COP1: variants seen among roughly 807,000 people sequenced by gnomAD.
COP1 encodes the protein COP1 E3 ubiquitin ligase.
Under a neutral mutation model 101.3 loss-of-function variants are expected in COP1, and 24 were observed. The ratio of observed to expected loss-of-function variants is 0.24; its 90% CI spans 0.17 to 0.33. The LOEUF (loss-of-function observed/expected upper bound fraction) is 0.33, where lower values mean the gene tolerates loss of function less well. COP1 is among the 10% of genes least tolerant of loss of function. The pLI is 1.00. For missense variants in COP1, 663 were observed against 906.2 expected (o/e 0.73, Z 3.45); for synonymous variants, 347 against 341.9 (o/e 1.01, Z -0.17).
At chr1:176,119,218 T>TA in intron 8 of COP1, among the ~76,000 whole-genome samples, 2 of 152,346 alleles carry the variant, frequency 1.3e-5, no homozygotes, top group South Asian at 4.1e-4. Context: ...TGCAATGCAT[T>TA]AAAAATCTCT....
intron 14 of COP1, among the ~76,000 whole-genome samples, chr1:176,036,084 G>A (rs1351325314): frequency 1.3e-5 from 2 of 152,006 alleles, no homozygotes; most frequent in Non-Finnish European, 2.9e-5. Context: ...TACTAGTCAT[G>A]AAAATAATAT....
At chr1:176,153,638 T>C (rs1378904951) in intron 5 of COP1, among the ~76,000 whole-genome samples, 1 of 152,120 alleles carries the variant, frequency 6.6e-6, no homozygotes, top group East Asian at 1.9e-4. Context: ...TAAACAGGAG[T>C]AGTGAAAGAG....
At chr1:176,069,183 T>C (rs1379374010) in intron 11 of COP1, among the ~76,000 whole-genome samples, 1 of 151,420 alleles carries the variant, frequency 6.6e-6, no homozygotes, top group East Asian at 1.9e-4. Flanking sequence ...AGACCTCATC[T>C]CAAGAGAAAA....
chr1:176,044,758 T>C (rs1671212873), intron 12 of COP1, among the ~76,000 whole-genome samples: 2 of 152,232 alleles, frequency 1.3e-5, no homozygotes, highest in South Asian at 4.1e-4. Flanking sequence ...TCCTTAGGTA[T>C]TGATCCTTTC....
intron 2 of COP1, among the ~76,000 whole-genome samples, chr1:176,182,314 G>A (rs1347696042): frequency 6.6e-6 from 1 of 152,232 alleles, no homozygotes; most frequent in African/African-American, 2.4e-5. Context: ...ACTTGACAAA[G>A]GTTAGGTAAG....
At chr1:175,994,129 A>C (rs1659450652) in intron 15 of COP1, among the ~76,000 whole-genome samples, 1 of 152,220 alleles carries the variant, frequency 6.6e-6, no homozygotes, top group Non-Finnish European at 1.5e-5. Flanking sequence ...CCAGAATTTC[A>C]TATCCAGCCA....
In COP1 at chr1:176,194,159, C is replaced by A. The variant is rs182991686; in HGVS notation, c.408-9467G>T. Among the ~76,000 whole-genome samples, 198 of 151,516 alleles carry A rather than the reference C, an allele frequency of 1.3e-3. 2 individuals carry two copies. The highest frequency in any genetic ancestry group is 4.5e-3 in the African/African-American group (184 of 41,226). On this transcript the variant is annotated intron_variant, in intron 1 of 19. Coordinates refer to ENST00000367669, the MANE Select transcript of COP1 (RefSeq NM_022457.7). ...CCAAATACACACAATCATTAATAAG[C>A]AAATAGTGGAAATAAAATGGAAATC...
intron 13 of COP1, 86 bp from the exon 14 acceptor site, chr1:176,043,353 T>C: frequency 3.7e-6 from 3 of 800,834 alleles, no homozygotes; most frequent in Non-Finnish European, 6.2e-6. Flanking sequence ...CTGATATCAA[T>C]TTATTGTTAC....
At chr1:176,041,474 C>T (rs1670523096) in intron 14 of COP1, among the ~76,000 whole-genome samples, 1 of 151,838 alleles carries the variant, frequency 6.6e-6, no homozygotes. Flanking sequence ...CAGCCACCCT[C>T]AGTAGCTAGG....
intron 11 of COP1, among the ~76,000 whole-genome samples, chr1:176,073,180 G>T (rs565622804): frequency 6.6e-6 from 1 of 152,206 alleles, no homozygotes; most frequent in East Asian, 1.9e-4. Context: ...AGGATTAAAT[G>T]AATTAGGGAA....
Position 176,092,137 on chromosome 1 carries a change from C to T in COP1, c.1027-6247G>A, listed in dbSNP as rs116177481. On this transcript the variant is annotated intron_variant, in intron 9 of 19. Transcript: ENST00000367669. The stretch of plus-strand genomic sequence containing the variant: ...CACAATGGGAGATAAATCTGCAAGT[C>T]AACTGAGTTATGCAACTAGTGTTAT... 8.8e-3 allele frequency among the ~76,000 whole-genome samples: 1,339 copies of T among 152,102 alleles called. 21 individuals are homozygous for T. The highest frequency in any genetic ancestry group is 0.03 in the African/African-American group (1,248 of 41,496).
At position 176,071,157 on chromosome 1, in the gene COP1, G is replaced by A. The variant is rs150831506; in HGVS notation, c.1277+9995C>T. ...ATGGAGATGAATCCCTCATGGCTTG[G>A]TGCTATCTTCATGATAGTGAATTCT... On this transcript the variant is annotated intron_variant, in intron 11 of 19. Transcript: ENST00000367669. Among the ~76,000 whole-genome samples the A allele has an allele frequency of 1.4e-4, 21 of 152,260 alleles. No individual in the cohort carries two copies. In the East Asian group the frequency reaches 4.1e-3, roughly 29 times the overall value.
chr1:175,958,409 TA>T (rs1650937103), intron 18 of COP1, among the ~76,000 whole-genome samples: 1 of 151,950 alleles, frequency 6.6e-6, no homozygotes. Context: ...GCTATGAAGC[TA>T]AATATTTCCC....
chr1:176,031,263 A>G (rs1447124857), intron 14 of COP1, among the ~76,000 whole-genome samples: 48 of 152,188 alleles, frequency 3.2e-4, no homozygotes, highest in Non-Finnish European at 1.2e-4. Context: ...AATCTATTTA[A>G]TATCCTAAGA....
intron 6 of COP1, among the ~76,000 whole-genome samples, chr1:176,138,562 C>A (rs1415171158): frequency 6.6e-6 from 1 of 152,166 alleles, no homozygotes; most frequent in South Asian, 2.1e-4. Context: ...TTTCAAATAA[C>A]AGCTGCTCAA....
intron 1 of COP1, among the ~76,000 whole-genome samples, chr1:176,198,932 T>A (rs1227853237): frequency 2.0e-5 from 3 of 152,134 alleles, no homozygotes; most frequent in Non-Finnish European, 2.9e-5. Context: ...CACTGAGCAC[T>A]GGCAAGGATG....
chr1:175,997,965 G>A (rs932870107), intron 15 of COP1, among the ~76,000 whole-genome samples: 3 of 149,390 alleles, frequency 2.0e-5, no homozygotes, highest in East Asian at 2.0e-4. Context: ...GTTTATTGCG[G>A]CACTACTTAC....
chr1:176,000,154 G>A (rs566155783), intron 15 of COP1, among the ~76,000 whole-genome samples: 2 of 151,970 alleles, frequency 1.3e-5, no homozygotes, highest in East Asian at 3.9e-4. Flanking sequence ...CTGCTTGTGG[G>A]ATATTACTAA....
At chr1:176,094,123 G>A (rs1355260960) in intron 9 of COP1, among the ~76,000 whole-genome samples, 4 of 151,952 alleles carry the variant, frequency 2.6e-5, no homozygotes, top group Non-Finnish European at 4.4e-5. Flanking sequence ...CAGGAACAGG[G>A]CATATAAAAC....
Sources: gnomAD v4.1 joint callset for allele counts (sites outside exome capture counted in the v4.1 genomes callset) on GRCh38, gnomAD v4.1.1 for gene constraint, MANE v1.5 for transcripts, NCBI Gene and HGNC (gene_info 2026-07-23, HGNC 2026-07-21) for gene names.